Variants in MAEA observed in about 807,000 individuals in gnomAD.
MAEA encodes the protein E3 ubiquitin-protein transferase MAEA.
Under a neutral mutation model 46.2 loss-of-function variants are expected in MAEA, and 22 were observed. The observed-to-expected ratio is 0.48, with a 90% CI of 0.34 to 0.68. The LOEUF is 0.68. Ranked by LOEUF, MAEA falls within the 30% of genes least tolerant of loss-of-function variation. MAEA has a pLI of 0.01. For missense variants in MAEA, 393 were observed against 558.1 expected (o/e 0.70, Z 2.98); for synonymous variants, 246 against 222.6 (o/e 1.11, Z -0.94).
rs1195944250 is a variant in MAEA at position 1,311,717 on chromosome 4, G to A, written c.70-262G>A. 1.3e-5 allele frequency among the ~76,000 whole-genome samples: 2 copies of A among 152,140 alleles called. No homozygotes were observed. Among genetic ancestry groups the A allele is most frequent in the African/African-American group, 4.8e-5 (2 of 41,420 alleles). Reference sequence around the variant, plus strand: ...TGTTCGTTATTCTGGATGAACTTTGGGATTATTTTGTCAACATACACGTAC... The same window carrying A: ...TGTTCGTTATTCTGGATGAACTTTGAGATTATTTTGTCAACATACACGTAC... On this transcript the variant is annotated intron_variant, in intron 1 of 8. Transcript: ENST00000303400. This position sits in a 1 kb window ranked among gnomAD's most constrained non-coding sequence, Gnocchi z 4.4.
At chr4:1,331,189 A>G (rs1363603810) in intron 5 of MAEA, 2 of 150,324 alleles carry the variant, frequency 1.3e-5, no homozygotes, top group African/African-American at 4.9e-5. Flanking sequence ...AGGGGGATGC[A>G]TGGGCACTGG....
intron 1 of MAEA, among the ~76,000 whole-genome samples, chr4:1,297,594 C>T (rs576558876): frequency 1.3e-3 from 202 of 152,246 alleles, no homozygotes; most frequent in Non-Finnish European, 2.4e-3. Flanking sequence ...TTGCAGCACT[C>T]GTCACAGTCT....
At chr4:1,294,281 C>A (rs73796048) in intron 1 of MAEA, among the ~76,000 whole-genome samples, 2 of 152,168 alleles carry the variant, frequency 1.3e-5, no homozygotes, top group African/African-American at 4.8e-5. Context: ...CCGCGGCCTC[C>A]GCGCTGGCAC....
intron 3 of MAEA, among the ~76,000 whole-genome samples, chr4:1,318,505 TG>T (rs1469517163): frequency 6.6e-6 from 1 of 152,134 alleles, no homozygotes; most frequent in African/African-American, 2.4e-5. Flanking sequence ...TGAGCATGTC[TG>T]TCCAAAAGAG....
chr4:1,332,906 G>A (rs768522605), intron 6 of MAEA, 41 bp downstream of exon 6: 5 of 1,493,714 alleles, frequency 3.3e-6, no homozygotes, highest in Non-Finnish European at 4.6e-6. Flanking sequence ...TGCTGGGGTG[G>A]GGATCCAGGG....
At chr4:1,299,467 C>T (rs1421125696) in intron 1 of MAEA, 2 of 152,896 alleles carry the variant, frequency 1.3e-5, no homozygotes, top group African/African-American at 2.4e-5. Flanking sequence ...TCTGGCTGCT[C>T]CTGCTCTGCT....
intron 6 of MAEA, 47 bp downstream of exon 6, chr4:1,332,912 C>T (rs1273463348): frequency 5.5e-6 from 8 of 1,450,318 alleles, no homozygotes; most frequent in African/African-American, 1.4e-5. Flanking sequence ...GGTGGGGATC[C>T]AGGGTGTGTC....
At chr4:1,334,316 C>G (rs1405307380) in intron 6 of MAEA, among the ~76,000 whole-genome samples, 1 of 152,024 alleles carries the variant, frequency 6.6e-6, no homozygotes, top group Non-Finnish European at 1.5e-5. Flanking sequence ...CCCCACCTGC[C>G]ACCCTGTAGG....
At chr4:1,338,918 T>A in intron 8 of MAEA, 156 bp from the exon 9 acceptor site, 1 of 696,172 alleles carries the variant, frequency 1.4e-6, no homozygotes, top group Non-Finnish European at 2.5e-6. Flanking sequence ...ACAGGCGAGG[T>A]GGCCCCGGGA....
rs111264822 is a variant in MAEA at position 1,339,021 on chromosome 4, C to T, written c.1096-53C>T. On this transcript the variant is annotated intron_variant, in intron 8 of 8. Transcript: ENST00000303400. ...ATTGTGGGGATTTTCCATGGAAATCCGTGTGTACGTTGTAGTCGCTTGCCT... is the reference window on the plus strand; with the variant it reads ...ATTGTGGGGATTTTCCATGGAAATCTGTGTGTACGTTGTAGTCGCTTGCCT... 5.5e-5 allele frequency: 75 copies of T among 1,362,718 alleles called. 1 individual carries two copies. In the African/African-American group the frequency reaches 5.9e-4, roughly 11 times the overall value. 84.4% of individuals were successfully genotyped at this position (1,362,718 alleles called of 1,614,324 possible).
At chr4:1,314,170 A>G (rs1736849642) in intron 2 of MAEA, among the ~76,000 whole-genome samples, 1 of 151,872 alleles carries the variant, frequency 6.6e-6, no homozygotes, top group African/African-American at 2.4e-5. Flanking sequence ...TCTATTAAAA[A>G]TACAAAAAAA....
chr4:1,309,608 T>A, intron 1 of MAEA: 1 of 1,513,786 alleles, frequency 6.6e-7, no homozygotes, highest in South Asian at 1.2e-5. Context: ...GGGAGGAGCG[T>A]GCGCAGAGGC....
chr4:1,309,488 C>G (rs1038049526), intron 1 of MAEA: 5 of 1,329,570 alleles, frequency 3.8e-6, no homozygotes, highest in Non-Finnish European at 4.8e-6. Flanking sequence ...GAGCTGCTGT[C>G]TGGGTCAGCA....
At chr4:1,300,288 TATC>T (rs1414140187) in intron 1 of MAEA, among the ~76,000 whole-genome samples, 1 of 152,168 alleles carries the variant, frequency 6.6e-6, no homozygotes, top group Non-Finnish European at 1.5e-5. Flanking sequence ...ACCGTAATGA[TATC>T]ATATTGTTCT....
chr4:1,290,345 C>T (rs974798599), intron 1 of MAEA, among the ~76,000 whole-genome samples: 2 of 152,188 alleles, frequency 1.3e-5, no homozygotes, highest in Non-Finnish European at 2.9e-5. Flanking sequence ...GCGTGCCCAG[C>T]CAGTGCCCGG....
chr4:1,326,777 C>A (rs1738886569), intron 4 of MAEA, among the ~76,000 whole-genome samples: 1 of 152,222 alleles, frequency 6.6e-6, no homozygotes, highest in Non-Finnish European at 1.5e-5. Flanking sequence ...TGGGCCAGGC[C>A]TCCATTCCAT....
Position 1,339,749 on chromosome 4 carries a change from G to A in MAEA, c.*580G>A, listed in dbSNP as rs1251020121. On this transcript the variant is annotated 3_prime_UTR_variant, in exon 9 of 9. Transcript: ENST00000303400. ...GACGCCCGCCTGCCTCGCGGGTCGT[G>A]TCCGCGGGACTGTGTTCGTACGTGC... is the stretch of plus-strand genomic sequence containing the variant. 2 of 155,418 alleles carry A rather than the reference G, an allele frequency of 1.3e-5. No individual in the cohort carries two copies. The highest frequency in any genetic ancestry group is 4.8e-5 in the African/African-American group (2 of 41,488). 9.6% of individuals were successfully genotyped at this position (155,418 alleles called of 1,614,324 possible).
chr4:1,329,258 G>C lies in MAEA; in HGVS notation c.656+1555G>C, dbSNP rs1473251066. On this transcript the variant is annotated intron_variant, in intron 5 of 8. Transcript: ENST00000303400. Reference sequence around the variant, plus strand: ...GTTACCCTGGCTCCGTGTAGGGTCTGTTTACCTGTGTTCCCCCCGCTCCGC... The same window carrying C: ...GTTACCCTGGCTCCGTGTAGGGTCTCTTTACCTGTGTTCCCCCCGCTCCGC... 4.1e-6 allele frequency: 4 copies of C among 982,820 alleles called. No homozygotes were observed. The African/African-American group carries it at 7.0e-5, about 17-fold the overall frequency. The allele number at this position is 982,820 out of a possible 1,614,324, so 60.9% of individuals were successfully genotyped here.
At chr4:1,298,636 G>T (rs998684432) in intron 1 of MAEA, among the ~76,000 whole-genome samples, 5 of 152,178 alleles carry the variant, frequency 3.3e-5, no homozygotes, top group African/African-American at 4.8e-5. Context: ...CTGGAACACA[G>T]CTCACCCCCT....
Sources: allele counts gnomAD v4.1 joint callset (sites outside exome capture counted in the v4.1 genomes callset), GRCh38; gene constraint gnomAD v4.1.1; non-coding constraint Gnocchi (gnomAD v3.1); transcripts MANE v1.5; gene names NCBI Gene and HGNC (gene_info 2026-07-23, HGNC 2026-07-21).